MYH7B: variants seen among roughly 807,000 people sequenced by gnomAD.
MYH7B encodes myosin heavy chain 7B, also known as myosin-7B.
MYH7B carries 205 observed loss-of-function variants against 234.5 expected under a neutral mutation model. The ratio of observed to expected loss-of-function variants is 0.87; its 90% CI spans 0.78 to 0.98. The LOEUF is 0.98. MYH7B is among the 50% of genes least tolerant of loss of function. The pLI, the probability that MYH7B is intolerant of heterozygous loss-of-function variation, is 0.00. For missense variants in MYH7B, 2,652 were observed against 2,633.4 expected, an observed-to-expected ratio of 1.01 and a Z score of -0.15; for synonymous variants, 1,193 against 1,105.0, an observed-to-expected ratio of 1.08 and a Z score of -1.58.
intron 38 of MYH7B, 49 bp from the exon 39 acceptor site, chr20:35,000,244 A>G: frequency 6.6e-7 from 1 of 1,510,500 alleles, no homozygotes; most frequent in Non-Finnish European, 8.8e-7. Flanking sequence ...ATTTGTAAGG[A>G]CAGGTATGCC....
intron 28 of MYH7B, 35 bp downstream of exon 28, chr20:34,995,613 AG>A (rs1555896362): frequency 8.7e-6 from 14 of 1,608,752 alleles, no homozygotes; most frequent in Non-Finnish European, 1.2e-5. Context: ...AAGGGCCCTG[AG>A]CCAGGGGCCA....
chr20:34,997,379 C>A, exon 32 of MYH7B: 1 of 1,520,938 alleles, frequency 6.6e-7, no homozygotes, highest in Non-Finnish European at 8.8e-7. Context: ...AGGCAGGCGG[C>A]GCATCCGCGG....
intron 2 of MYH7B, among the ~76,000 whole-genome samples, chr20:34,973,075 A>G (rs951654472): frequency 3.9e-5 from 6 of 152,098 alleles, no homozygotes; most frequent in Non-Finnish European, 2.9e-5. Flanking sequence ...TGGCGCCCCA[A>G]CTCCTGCAGG....
chr20:34,987,144 C>A lies in MYH7B; in HGVS notation c.1009-5C>A, dbSNP rs2082042939. 2 of 1,613,308 alleles carry A rather than the reference C, an allele frequency of 1.2e-6. No individual in the cohort carries two copies. Among genetic ancestry groups the A allele is most frequent in the East Asian group, 4.5e-5 (2 of 44,872 alleles). On this transcript the variant is annotated splice_region_variant and splice_polypyrimidine_tract_variant and intron_variant, in intron 15 of 44. Coordinates refer to ENST00000262873, the Ensembl canonical transcript of MYH7B. ...TCTGAACTCGCTTTCCCTGCTGCCCCCCAGCATGCCATGGACATCCTAGGC... is the reference window on the plus strand; with the variant it reads ...TCTGAACTCGCTTTCCCTGCTGCCCACCAGCATGCCATGGACATCCTAGGC...
At chr20:34,966,939 A>T (rs559858470) in intron 2 of MYH7B, among the ~76,000 whole-genome samples, 43 of 151,732 alleles carry the variant, frequency 2.8e-4, no homozygotes, top group East Asian at 7.7e-4. Flanking sequence ...TTTTTTTTTT[A>T]AAAAAGGGAG....
intron 24 of MYH7B, 88 bp from the exon 25 acceptor site, chr20:34,993,014 A>T: frequency 1.3e-6 from 2 of 1,503,970 alleles, no homozygotes; most frequent in Non-Finnish European, 1.8e-6. Context: ...TACCCACACG[A>T]GCCTCCTCAG....
At chr20:34,987,974 G>A (rs547049334) in intron 18 of MYH7B, 60 bp downstream of exon 18, 19 of 1,556,732 alleles carry the variant, frequency 1.2e-5, no homozygotes, top group South Asian at 1.1e-4. Context: ...ATGGGCCTGT[G>A]GGGGGGCAGA....
At chr20:35,001,991 A>G (rs2082397984) in exon 44 of MYH7B, 2 of 1,613,942 alleles carry the variant, frequency 1.2e-6, no homozygotes, top group Non-Finnish European at 1.7e-6. Flanking sequence ...CGCAAGGCCC[A>G]GCACGAGCTG....
intron 5 of MYH7B, among the ~76,000 whole-genome samples, chr20:34,978,428 G>A (rs1193570129): frequency 6.6e-6 from 1 of 152,180 alleles, no homozygotes; most frequent in African/African-American, 2.4e-5. Flanking sequence ...GGCTGCCTCC[G>A]CGTGTCCACA....
chr20:34,985,004 G>A (rs1202025790), intron 12 of MYH7B, 58 bp downstream of exon 12: 8 of 1,609,518 alleles, frequency 5.0e-6, no homozygotes, highest in Admixed American at 3.3e-5. Flanking sequence ...GCGGCAGGTC[G>A]GGCACAGGTG....
exon 39 of MYH7B, chr20:35,000,628 G>A (rs774119764): frequency 1.1e-5 from 17 of 1,577,250 alleles, no homozygotes; most frequent in South Asian, 2.3e-5. Context: ...GAGCGCAGCC[G>A]GCGACTGGCA....
At chr20:34,956,263 C>A (rs2081632466) in intron 1 of MYH7B, among the ~76,000 whole-genome samples, 1 of 152,024 alleles carries the variant, frequency 6.6e-6, no homozygotes, top group South Asian at 2.1e-4. Context: ...TTTTTTTTAA[C>A]CTGGGATACC....
chr20:35,000,515 G>A, exon 39 of MYH7B: 1 of 1,595,368 alleles, frequency 6.3e-7, no homozygotes, highest in East Asian at 2.2e-5. Flanking sequence ...ACGAGGAGCA[G>A]CGGCTGGCAG....
At chr20:34,997,134 C>T in exon 31 of MYH7B, 1 of 1,549,080 alleles carries the variant, frequency 6.5e-7, no homozygotes, top group South Asian at 1.2e-5. Context: ...ACGAGCAGCT[C>T]TTGGGGGCCC....
chr20:34,974,596 T>C (rs1171541672), intron 2 of MYH7B, among the ~76,000 whole-genome samples: 1 of 152,102 alleles, frequency 6.6e-6, no homozygotes, highest in Non-Finnish European at 1.5e-5. Flanking sequence ...CAGACCCACA[T>C]GATAGGTGTA....
intron 43 of MYH7B, 128 bp from the exon 44 acceptor site, chr20:35,001,820 G>A (rs1012298149): frequency 1.1e-5 from 16 of 1,402,238 alleles, no homozygotes; most frequent in Non-Finnish European, 1.5e-5. Flanking sequence ...TATTGGTGAG[G>A]ATGGACAGTG....
At chr20:34,997,639 A>T in exon 32 of MYH7B, 1 of 1,613,212 alleles carries the variant, frequency 6.2e-7, no homozygotes, top group Non-Finnish European at 8.5e-7. Context: ...ACCCGCGCCA[A>T]GGTGTCCGTG....
chr20:34,973,925 A>ATTTT (rs34442200), intron 2 of MYH7B, among the ~76,000 whole-genome samples: 23 of 121,434 alleles, frequency 1.9e-4, no homozygotes, highest in African/African-American at 6.0e-4. Flanking sequence ...TGCCTGGCTA[A>ATTTT]TTTTTTTTTT....
chr20:34,999,323 C>G (rs777248100), exon 36 of MYH7B: 2 of 1,570,674 alleles, frequency 1.3e-6, no homozygotes, highest in Admixed American at 1.9e-5. Context: ...GCCTGGGCAC[C>G]GAGCTCTTCC....
Sources: allele counts gnomAD v4.1 joint callset (sites outside exome capture counted in the v4.1 genomes callset), GRCh38; gene constraint gnomAD v4.1.1; transcripts MANE v1.5; gene names NCBI Gene and HGNC (gene_info 2026-07-23, HGNC 2026-07-21).